Variants in SLC36A1 observed in about 807,000 individuals in gnomAD.
The protein encoded by SLC36A1 is solute carrier family 36 member 1, also known as proton-coupled amino acid transporter 1.
A neutral mutation model predicts 47.5 loss-of-function variants in SLC36A1; 30 were observed. That is an observed-to-expected ratio of 0.63 (90% CI 0.47 to 0.86). SLC36A1 has a LOEUF of 0.86. Among genes scored for constraint, SLC36A1 ranks in the 40% least tolerant of loss-of-function variants. SLC36A1 has a pLI of 0.00. For missense variants in SLC36A1, 517 were observed against 606.0 expected (o/e 0.85, Z 1.54); for synonymous variants, 255 against 249.7 (o/e 1.02, Z -0.20).
the SLC36A1 span, among the ~76,000 whole-genome samples, chr5:151,547,745 A>G: frequency 2.6e-5 from 4 of 152,338 alleles, no homozygotes; most frequent in Admixed American, 2.0e-4. Context: ...TTTATTATAT[A>G]ATATCACACT....
In SLC36A1 at chr5:151,454,198, T is replaced by C. The variant is rs185379869; in HGVS notation, c.-5-4590T>C. Among the ~76,000 whole-genome samples, 386 of 152,068 alleles carry C rather than the reference T, an allele frequency of 2.5e-3. 3 individuals are homozygous for C. The highest frequency in any genetic ancestry group is 8.4e-3 in the African/African-American group (350 of 41,458). ...AGATTTGGACTTTGTGTTCTGTTTATTGTCCTCAGTAATCTGAAGGACAAG... is the reference window on the plus strand; with the variant it reads ...AGATTTGGACTTTGTGTTCTGTTTACTGTCCTCAGTAATCTGAAGGACAAG... On this transcript the variant is annotated intron_variant, in intron 1 of 10. Transcript: ENST00000243389.
the SLC36A1 span, among the ~76,000 whole-genome samples, chr5:151,356,354 AAAAAAAG>A: frequency 6.7e-6 from 1 of 149,306 alleles, no homozygotes; most frequent in African/African-American, 2.4e-5. Flanking sequence ...AAAAAAAAAA[AAAAAAAG>A]AATACACGAA....
At chr5:151,409,308 G>A in the SLC36A1 span, among the ~76,000 whole-genome samples, 2 of 151,928 alleles carry the variant, frequency 1.3e-5, no homozygotes, top group Admixed American at 6.6e-5. Context: ...TGGTTGGGGT[G>A]GGGGGGATAG....
At position 151,467,246 on chromosome 5, in the gene SLC36A1, G is replaced by A. The variant is rs1756542269; in HGVS notation, c.467G>A (p.Cys156Tyr). 1.2e-6 allele frequency: 2 copies of A among 1,611,234 alleles called. No individual in the cohort carries two copies. Among genetic ancestry groups the A allele is most frequent in the Non-Finnish European group, 1.7e-6 (2 of 1,179,332 alleles). ...ATTGTCACCCAGCTGGGATTCTGCT[G>A]TGTCTATTTTGTGTTTCTGGCTGAC... ...FLIVTQLGFC[C>Y]VYFVFLADNF... Residue 156 changes from cysteine (C) to tyrosine (Y), a missense_variant, in exon 6 of 11, where the codon TGT becomes TAT. Transcript: ENST00000243389.
chr5:151,441,053 T>G (rs920812869), intron 1 of SLC36A1, among the ~76,000 whole-genome samples: 4 of 152,068 alleles, frequency 2.6e-5, no homozygotes, highest in African/African-American at 9.7e-5. Flanking sequence ...AGGTGTAGAG[T>G]AGGACCCAGA....
chr5:151,352,773 C>G, the SLC36A1 span, among the ~76,000 whole-genome samples: 1 of 152,208 alleles, frequency 6.6e-6, no homozygotes, highest in East Asian at 1.9e-4. Context: ...CTTCTTATCT[C>G]TTGTCTGTAG....
the SLC36A1 span, among the ~76,000 whole-genome samples, chr5:151,513,648 C>G: frequency 3.3e-5 from 5 of 152,132 alleles, no homozygotes; most frequent in African/African-American, 1.2e-4. Flanking sequence ...AGGAACTATG[C>G]TTATTCCTTG....
At chr5:151,441,911 C>G (rs986254235) in intron 1 of SLC36A1, among the ~76,000 whole-genome samples, 1 of 152,054 alleles carries the variant, frequency 6.6e-6, no homozygotes, top group Non-Finnish European at 1.5e-5. Flanking sequence ...TTCCTCATGC[C>G]GCTTTATAAT....
the SLC36A1 span, chr5:151,378,354 T>C: frequency 5.3e-6 from 1 of 188,266 alleles, no homozygotes; most frequent in Non-Finnish European, 1.2e-5. Flanking sequence ...TAAATCCTGG[T>C]AAATAAGGTC....
the SLC36A1 span, among the ~76,000 whole-genome samples, chr5:151,398,839 T>A: frequency 6.6e-6 from 1 of 152,286 alleles, no homozygotes; most frequent in South Asian, 2.1e-4. Context: ...CTTGGCTTCA[T>A]TATCTGTGCA....
chr5:151,407,951 G>A, the SLC36A1 span, among the ~76,000 whole-genome samples: 1 of 152,154 alleles, frequency 6.6e-6, no homozygotes, highest in East Asian at 1.9e-4. Flanking sequence ...ACATTTTGTA[G>A]GTTCTTGTGA....
chr5:151,514,647 A>G, the SLC36A1 span, among the ~76,000 whole-genome samples: 1 of 152,140 alleles, frequency 6.6e-6, no homozygotes, highest in South Asian at 2.1e-4. Flanking sequence ...GTTCTTCCAG[A>G]TGACTGTTTT....
At chr5:151,514,003 G>T in the SLC36A1 span, among the ~76,000 whole-genome samples, 3 of 152,128 alleles carry the variant, frequency 2.0e-5, no homozygotes, top group Admixed American at 2.0e-4. Context: ...TTCCCAAGAG[G>T]TAGGACTGCC....
chr5:151,545,098 T>C, the SLC36A1 span: 47 of 1,614,014 alleles, frequency 2.9e-5, no homozygotes, highest in Non-Finnish European at 4.0e-5. Flanking sequence ...ATGAAACATA[T>C]CTGTGCCATT....
chr5:151,509,169 C>G, the SLC36A1 span, among the ~76,000 whole-genome samples: 2 of 152,190 alleles, frequency 1.3e-5, no homozygotes, highest in African/African-American at 4.8e-5. Flanking sequence ...CTGGGAAGTT[C>G]AGGTCCAGAG....
At chr5:151,531,505 A>G in the SLC36A1 span, 1 of 1,563,084 alleles carries the variant, frequency 6.4e-7, no homozygotes, top group South Asian at 1.2e-5. The surrounding 1 kb of genome is among the most constrained non-coding windows in gnomAD (Gnocchi z 5.7). Context: ...TGCACAGGGT[A>G]GATACCCACA....
chr5:151,554,582 A>G, the SLC36A1 span: 1 of 1,614,124 alleles, frequency 6.2e-7, no homozygotes, highest in Non-Finnish European at 8.5e-7. Context: ...CTTGTGGGAG[A>G]ATATAGGTGG....
chr5:151,547,884 T>C, the SLC36A1 span, among the ~76,000 whole-genome samples: 1 of 152,172 alleles, frequency 6.6e-6, no homozygotes, highest in Non-Finnish European at 1.5e-5. Flanking sequence ...AAATGATGGT[T>C]ATGTGTTGTG....
chr5:151,347,998 A>T, the SLC36A1 span, among the ~76,000 whole-genome samples: 3 of 152,042 alleles, frequency 2.0e-5, no homozygotes, highest in Non-Finnish European at 4.4e-5. Flanking sequence ...ATACCTACAA[A>T]TCCCTCTCCT....
Sources: gnomAD v4.1 joint callset for allele counts (sites outside exome capture counted in the v4.1 genomes callset) on GRCh38, gnomAD v4.1.1 for gene constraint, Gnocchi (gnomAD v3.1) non-coding constraint, MANE v1.5 for transcripts, NCBI Gene and HGNC (gene_info 2026-07-23, HGNC 2026-07-21) for gene names.